THSD4: variants seen among roughly 807,000 people sequenced by gnomAD.
THSD4 encodes the protein thrombospondin type-1 domain-containing protein 4.
A neutral mutation model predicts 119.0 loss-of-function variants in THSD4; 69 were observed. The ratio of observed to expected loss-of-function variants is 0.58; its 90% CI spans 0.48 to 0.71. The LOEUF (loss-of-function observed/expected upper bound fraction) is 0.71. Ranked by LOEUF, THSD4 falls within the 30% of genes least tolerant of loss-of-function variation. The probability of loss-of-function intolerance (pLI) is 0.00; values close to 1 mark genes in which losing one functional copy is unlikely to be tolerated. For missense variants in THSD4, 1,393 were observed against 1,391.1 expected (o/e 1.00, Z -0.02); for synonymous variants, 524 against 540.4 (o/e 0.97, Z 0.42).
Position 71,731,146 on chromosome 15 carries a change from G to A in THSD4, c.1559G>A (p.Gly520Asp). The change falls in exon 10 of 18, where the codon GGC becomes GAC. Residue 520 changes from glycine to aspartate, a missense_variant. Transcript: ENST00000261862. The stretch of plus-strand genomic sequence containing the variant: ...ATGATACACCAGCAGCCAAACCCAG[G>A]CGTGCACTACGAGTACGTGATCATG... ...VYMIHQQPNP[G>D]VHYEYVIMGT... 3 of 1,614,136 alleles carry A rather than the reference G, an allele frequency of 1.9e-6. No individual in the cohort carries two copies. The highest frequency in any genetic ancestry group is 2.5e-6 in the Non-Finnish European group (3 of 1,180,016).
intron 8 of THSD4, among the ~76,000 whole-genome samples, chr15:71,716,473 C>A (rs1246359779): frequency 6.6e-6 from 1 of 152,014 alleles, no homozygotes; most frequent in Non-Finnish European, 1.5e-5. Context: ...TAGGATTGCA[C>A]TGTAGTACTA....
chr15:71,698,703 TAC>T (rs369999022), intron 8 of THSD4, among the ~76,000 whole-genome samples: 4 of 148,602 alleles, frequency 2.7e-5, no homozygotes, highest in African/African-American at 2.5e-5. Flanking sequence ...CATTCGTCTA[TAC>T]ACACACACAC....
At chr15:71,490,500 C>T (rs183006604) in intron 7 of THSD4, among the ~76,000 whole-genome samples, 2 of 144,702 alleles carry the variant, frequency 1.4e-5, no homozygotes, top group African/African-American at 5.3e-5. Flanking sequence ...GCAGAGCTTG[C>T]AGTGAGCTGA....
chr15:71,637,723 T>G (rs1371258839), intron 7 of THSD4, among the ~76,000 whole-genome samples: 1 of 151,700 alleles, frequency 6.6e-6, no homozygotes, highest in Non-Finnish European at 1.5e-5. Context: ...GGTTGCACAT[T>G]ATGAATTTTT....
At chr15:71,437,178 ACT>A (rs1250997281) in intron 7 of THSD4, among the ~76,000 whole-genome samples, 2 of 151,850 alleles carry the variant, frequency 1.3e-5, no homozygotes, top group Admixed American at 6.6e-5. Context: ...AAAGGGGGAG[ACT>A]CTTTTAAGCA....
intron 3 of THSD4, among the ~76,000 whole-genome samples, chr15:71,213,607 GGT>G (rs1300602544): frequency 6.6e-6 from 1 of 152,154 alleles, no homozygotes; most frequent in Non-Finnish European, 1.5e-5. Context: ...GCATACAGCT[GGT>G]GCTCAGAGCA....
At chr15:71,121,990 G>C (rs2040412778) in intron 1 of THSD4, among the ~76,000 whole-genome samples, 1 of 152,124 alleles carries the variant, frequency 6.6e-6, no homozygotes, top group Non-Finnish European at 1.5e-5. Context: ...TGGTTGTAAG[G>C]TGAGCCCTGA....
chr15:71,371,015 TC>T (rs1432880524), intron 6 of THSD4, among the ~76,000 whole-genome samples: 1 of 152,214 alleles, frequency 6.6e-6, no homozygotes, highest in Non-Finnish European at 1.5e-5. Context: ...GTTGAATTGA[TC>T]CCTTTACCAT....
chr15:71,714,007 G>A (rs1353835080), intron 8 of THSD4, among the ~76,000 whole-genome samples: 1 of 152,098 alleles, frequency 6.6e-6, no homozygotes, highest in Non-Finnish European at 1.5e-5. Flanking sequence ...AGCAGATATG[G>A]GGTCAAGTCA....
At chr15:71,466,809 G>A (rs982740876) in intron 7 of THSD4, among the ~76,000 whole-genome samples, 3 of 152,158 alleles carry the variant, frequency 2.0e-5, no homozygotes, top group African/African-American at 7.2e-5. Context: ...TCACCCCTTA[G>A]TCACACAGTC....
At chr15:71,334,593 C>T (rs1241036212) in intron 6 of THSD4, among the ~76,000 whole-genome samples, 1 of 152,212 alleles carries the variant, frequency 6.6e-6, no homozygotes, top group African/African-American at 2.4e-5. Context: ...GGACAATCCC[C>T]AAGGGCCAAA....
intron 2 of THSD4, 69 bp from the exon 3 acceptor site, chr15:71,154,794 C>A: frequency 6.6e-7 from 1 of 1,506,726 alleles, no homozygotes. Flanking sequence ...GATGGCGATG[C>A]TGCCTTCCCT....
At chr15:71,756,446 A>G (rs1046301175) in intron 14 of THSD4, among the ~76,000 whole-genome samples, 2 of 152,224 alleles carry the variant, frequency 1.3e-5, no homozygotes, top group Admixed American at 6.5e-5. Flanking sequence ...GCTGGATTCA[A>G]GGTATCTGTA....
At chr15:71,348,958 C>T (rs1480998415) in intron 6 of THSD4, among the ~76,000 whole-genome samples, 1 of 152,180 alleles carries the variant, frequency 6.6e-6, no homozygotes, top group African/African-American at 2.4e-5. Context: ...TTGAAGTTAC[C>T]TCTTGTATTG....
chr15:71,478,407 T>C (rs1330904648), intron 7 of THSD4, among the ~76,000 whole-genome samples: 1 of 152,214 alleles, frequency 6.6e-6, no homozygotes, highest in Non-Finnish European at 1.5e-5. Context: ...TCCCCTATTC[T>C]CATATTTTAG....
rs79977903 is a variant in THSD4, at chr15:71,631,670, C to T, written c.1153-28860C>T. 5.6e-3 allele frequency among the ~76,000 whole-genome samples: 847 copies of T among 152,292 alleles called. 7 individuals are homozygous for T. The highest frequency in any genetic ancestry group is 9.3e-3 in the Admixed American group (142 of 15,302). On this transcript the variant is annotated intron_variant, in intron 7 of 17. Transcript: ENST00000261862. ...CTCAGAGAAAGAGGCCGAAATAGCC[C>T]AGGAGGGCTTAGCCATCAGTCCTTG...
intron 6 of THSD4, among the ~76,000 whole-genome samples, chr15:71,382,106 A>C (rs566603474): frequency 7.2e-5 from 11 of 152,310 alleles, no homozygotes; most frequent in African/African-American, 2.4e-4. Flanking sequence ...AGGTATTTTA[A>C]GGACAAATAC....
chr15:71,511,500 A>G (rs902516707), intron 7 of THSD4, among the ~76,000 whole-genome samples: 5 of 152,228 alleles, frequency 3.3e-5, no homozygotes, highest in Non-Finnish European at 7.4e-5. Context: ...TACTTTCACT[A>G]CAAATATTTA....
intron 7 of THSD4, among the ~76,000 whole-genome samples, chr15:71,599,237 C>T (rs1595772257): frequency 6.6e-6 from 1 of 152,138 alleles, no homozygotes; most frequent in Admixed American, 6.5e-5. Context: ...TGGTGTAATG[C>T]TGGTTACACA....
Sources: allele counts gnomAD v4.1 joint callset (sites outside exome capture counted in the v4.1 genomes callset), GRCh38; gene constraint gnomAD v4.1.1; transcripts MANE v1.5; gene names NCBI Gene and HGNC (gene_info 2026-07-23, HGNC 2026-07-21).